The following TMEM132B variants were observed in gnomAD, a reference collection of about 807,000 sequenced individuals.
The protein encoded by TMEM132B is transmembrane protein 132B.
A neutral mutation model predicts 90.8 loss-of-function variants in TMEM132B; 18 were observed. That is an observed-to-expected ratio of 0.20 (90% CI 0.14 to 0.29). TMEM132B has a LOEUF of 0.29. Among genes scored for constraint, TMEM132B ranks in the 10% least tolerant of loss-of-function variants. TMEM132B has a pLI of 1.00. For synonymous variants in TMEM132B, 504 were observed against 523.3 expected (o/e 0.96, Z 0.50); for missense variants, 1,096 against 1,326.8 (o/e 0.83, Z 2.70).
chr12:125,542,283 A>C (rs1380519826), intron 4 of TMEM132B, among the ~76,000 whole-genome samples: 1 of 152,186 alleles, frequency 6.6e-6, no homozygotes, highest in African/African-American at 2.4e-5. Flanking sequence ...GGATTGTTGG[A>C]GGAAAATAAT....
chr12:125,478,198 G>A (rs1881938819), intron 3 of TMEM132B, among the ~76,000 whole-genome samples: 1 of 152,196 alleles, frequency 6.6e-6, no homozygotes, highest in Non-Finnish European at 1.5e-5. Context: ...AAAAACCAGA[G>A]CGCCCCTTCT....
intron 1 of TMEM132B, among the ~76,000 whole-genome samples, chr12:125,265,675 C>T (rs1874675926): frequency 1.3e-5 from 2 of 151,776 alleles, no homozygotes; most frequent in Non-Finnish European, 2.9e-5. Context: ...CCCTCCTTGA[C>T]CCCAGGTGAC....
Position 125,445,886 on chromosome 12 carries a change from AC to A in TMEM132B, c.1106+30211del, listed in dbSNP as rs1276579883. 7.5e-6 allele frequency among the ~76,000 whole-genome samples: 1 copy of A among 133,378 alleles called. No homozygotes were observed. The highest frequency in any genetic ancestry group is 2.6e-4 in the East Asian group (1 of 3,884). 87.5% of individuals were successfully genotyped at this position (133,378 alleles called of 152,430 possible). On this transcript the variant is annotated intron_variant, in intron 3 of 8. Coordinates refer to ENST00000682704, the MANE Select transcript of TMEM132B (RefSeq NM_001366854.1). This position sits in a 1 kb window ranked among gnomAD's most constrained non-coding sequence, Gnocchi z 4.3. ...GTGACTCACCCCTGCCCACCCACCC[AC>A]CAGCCTCAATCCTTCATCCCAGGAT...
chr12:125,345,389 G>T (rs1877323160), intron 1 of TMEM132B, among the ~76,000 whole-genome samples: 2 of 152,106 alleles, frequency 1.3e-5, no homozygotes, highest in African/African-American at 2.4e-5. Flanking sequence ...ACCATCTTGG[G>T]GTTCAGGGAT....
At chr12:125,230,960 C>T (rs1873806289) in intron 1 of TMEM132B, among the ~76,000 whole-genome samples, 1 of 152,144 alleles carries the variant, frequency 6.6e-6, no homozygotes, top group South Asian at 2.1e-4. Flanking sequence ...ATACTAATTT[C>T]CTATGGCTGC....
intron 5 of TMEM132B, among the ~76,000 whole-genome samples, chr12:125,625,429 G>C (rs755935829): frequency 6.6e-6 from 1 of 152,066 alleles, no homozygotes; most frequent in South Asian, 2.1e-4. Flanking sequence ...CACCGCGCCC[G>C]GTCAGATTTG....
At chr12:125,628,153 T>A (rs1409448908) in intron 5 of TMEM132B, among the ~76,000 whole-genome samples, 1 of 152,208 alleles carries the variant, frequency 6.6e-6, no homozygotes, top group Non-Finnish European at 1.5e-5. Context: ...TCCTTTCTTT[T>A]GGGTATATAT....
At chr12:125,437,031 GCCATAC>G (rs1880727634) in intron 3 of TMEM132B, among the ~76,000 whole-genome samples, 1 of 152,140 alleles carries the variant, frequency 6.6e-6, no homozygotes, top group Non-Finnish European at 1.5e-5. Flanking sequence ...GTTTTCAAGG[GCCATAC>G]CACACCCTTG....
intron 3 of TMEM132B, among the ~76,000 whole-genome samples, chr12:125,450,578 G>C (rs1881122320): frequency 1.3e-5 from 2 of 152,112 alleles, no homozygotes; most frequent in South Asian, 4.1e-4. Context: ...TGGAGGGAAT[G>C]CTGGCATTGA....
At chr12:125,549,824 A>T (rs1475710063) in intron 4 of TMEM132B, among the ~76,000 whole-genome samples, 4 of 152,168 alleles carry the variant, frequency 2.6e-5, no homozygotes, top group African/African-American at 4.8e-5. Context: ...TAGACAGAAG[A>T]AATTAACACC....
intron 5 of TMEM132B, among the ~76,000 whole-genome samples, chr12:125,603,622 G>A (rs942734421): frequency 2.0e-5 from 3 of 152,312 alleles, no homozygotes; most frequent in Middle Eastern, 3.4e-3. Context: ...AAACTAAAGA[G>A]CTTCTTCACA....
intron 3 of TMEM132B, among the ~76,000 whole-genome samples, chr12:125,463,316 A>G (rs1200872117): frequency 6.6e-6 from 1 of 152,172 alleles, no homozygotes; most frequent in Non-Finnish European, 1.5e-5. Flanking sequence ...GAATTGCTAC[A>G]TCCTTTTATT....
intron 2 of TMEM132B, among the ~76,000 whole-genome samples, chr12:125,386,084 C>T (rs1430945909): frequency 6.6e-6 from 1 of 152,076 alleles, no homozygotes; most frequent in Non-Finnish European, 1.5e-5. Flanking sequence ...CCTCTGCCTC[C>T]CGGGCTCAGG....
chr12:125,460,768 C>CG lies in TMEM132B; in HGVS notation c.1106+45091_1106+45092insG, dbSNP rs1299714607. ...ACTTCTTTTGAGGACCCACTATTAGCTGCTCATCTACAGGGAAGATCCTGG... is the reference window on the plus strand; with the variant it reads ...ACTTCTTTTGAGGACCCACTATTAGCGTGCTCATCTACAGGGAAGATCCTGG... On this transcript the variant is annotated intron_variant, in intron 3 of 8. Transcript: ENST00000682704. This position sits in a 1 kb window ranked among gnomAD's most constrained non-coding sequence, Gnocchi z 4.4. Among the ~76,000 whole-genome samples the CG allele has an allele frequency of 6.6e-6, 1 of 152,224 alleles. No individual in the cohort carries two copies. Among genetic ancestry groups the CG allele is most frequent in the African/African-American group, 2.4e-5 (1 of 41,462 alleles).
At chr12:125,355,448 A>G (rs541100802) in intron 2 of TMEM132B, among the ~76,000 whole-genome samples, 14 of 152,268 alleles carry the variant, frequency 9.2e-5, no homozygotes, top group African/African-American at 2.9e-4. Flanking sequence ...AGTTGGAAGC[A>G]GAGGCAGAAA....
rs559078573 is a variant in TMEM132B at position 125,314,589 on chromosome 12, G to T, written c.68-34863G>T. Among the ~76,000 whole-genome samples, 16 of 152,254 alleles carry T rather than the reference G, an allele frequency of 1.1e-4. No individual in the cohort carries two copies. In the East Asian group the frequency reaches 1.7e-3, roughly 17 times the overall value. On this transcript the variant is annotated intron_variant, in intron 1 of 8. Coordinates refer to ENST00000682704, the MANE Select transcript of TMEM132B (RefSeq NM_001366854.1). ...TCCTGGAAGAGACTGAGCCAGCAAG[G>T]CTTCAACGGGGCAAATTCTCTAAAC...
At chr12:125,513,822 G>T (rs542656988) in intron 3 of TMEM132B, among the ~76,000 whole-genome samples, 1 of 152,010 alleles carries the variant, frequency 6.6e-6, no homozygotes. Flanking sequence ...TTTAAAAATT[G>T]AAGAATTTTG....
intron 4 of TMEM132B, among the ~76,000 whole-genome samples, chr12:125,575,674 A>G (rs932957484): frequency 6.6e-6 from 1 of 152,052 alleles, no homozygotes; most frequent in Non-Finnish European, 1.5e-5. Flanking sequence ...AGTTTTCTTT[A>G]AAGAGTTTAA....
intron 4 of TMEM132B, among the ~76,000 whole-genome samples, chr12:125,540,981 A>C (rs185583792): frequency 1.3e-5 from 2 of 152,228 alleles, no homozygotes; most frequent in East Asian, 3.9e-4. Context: ...TGTGCCATAC[A>C]TGGTCTTGCT....
Sources: gnomAD v4.1 joint callset for allele counts (sites outside exome capture counted in the v4.1 genomes callset) on GRCh38, gnomAD v4.1.1 for gene constraint, Gnocchi (gnomAD v3.1) non-coding constraint, MANE v1.5 for transcripts, NCBI Gene and HGNC (gene_info 2026-07-23, HGNC 2026-07-21) for gene names.